FHOD3: variants seen among roughly 807,000 people sequenced by gnomAD.
The protein encoded by FHOD3 is FH1/FH2 domain-containing protein 3.
Under a neutral mutation model 173.0 loss-of-function variants are expected in FHOD3, and 90 were observed. That is an observed-to-expected ratio of 0.52 (90% confidence interval 0.44 to 0.62). The LOEUF (loss-of-function observed/expected upper bound fraction) is 0.62, where lower values mean the gene tolerates loss of function less well. Among genes scored for constraint, FHOD3 ranks in the 20% least tolerant of loss-of-function variants. FHOD3 has a pLI of 0.00. For synonymous variants in FHOD3, 828 were observed against 823.0 expected, an observed-to-expected ratio of 1.01 and a Z score of -0.10; for missense variants, 1,945 against 2,034.7, an observed-to-expected ratio of 0.96 and a Z score of 0.85.
At chr18:36,347,042 G>A (rs2045910146) in intron 1 of FHOD3, among the ~76,000 whole-genome samples, 2 of 152,318 alleles carry the variant, frequency 1.3e-5, no homozygotes, top group East Asian at 1.9e-4. Context: ...AGTGTAGTGT[G>A]TGGCATGGAC....
At chr18:36,734,055 A>G (rs746795631) in intron 20 of FHOD3, among the ~76,000 whole-genome samples, 1 of 152,154 alleles carries the variant, frequency 6.6e-6, no homozygotes, top group Non-Finnish European at 1.5e-5. Flanking sequence ...ACATGTATGC[A>G]GCAGCGCAGC....
chr18:36,617,477 G>A (rs1418719261), intron 9 of FHOD3, among the ~76,000 whole-genome samples: 4 of 152,064 alleles, frequency 2.6e-5, no homozygotes, highest in Non-Finnish European at 5.9e-5. Context: ...CACTGCTGAC[G>A]AATGTATCAC....
At position 36,777,288 on chromosome 18, in the gene FHOD3, C is replaced by T. The variant is rs547769352; in HGVS notation, c.4787-2160C>T. On this transcript the variant is annotated intron_variant, in intron 28 of 28. Transcript: ENST00000590592. ...CACCATCTCGGCTCACCGCAACCTC[C>T]GCCTCCCAGGTTCAAGCAATTCTCT... Among the ~76,000 whole-genome samples the T allele has an allele frequency of 4.6e-5, 7 of 151,404 alleles. No homozygotes were observed. The South Asian group carries it at 6.3e-4, about 14-fold the overall frequency.
chr18:36,758,992 T>G, intron 25 of FHOD3, 126 bp from the exon 26 acceptor site: 2 of 1,013,116 alleles, frequency 2.0e-6, no homozygotes, highest in African/African-American at 3.2e-5. Flanking sequence ...TGTATCCTGG[T>G]TGTGGTGACC....
intron 3 of FHOD3, among the ~76,000 whole-genome samples, chr18:36,423,789 G>C (rs1271653197): frequency 1.3e-5 from 2 of 152,144 alleles, no homozygotes; most frequent in Admixed American, 1.3e-4. Flanking sequence ...GAATACAGTG[G>C]TATAGAATAA....
chr18:36,737,053 T>C (rs2041671804), intron 20 of FHOD3, among the ~76,000 whole-genome samples: 2 of 152,220 alleles, frequency 1.3e-5, no homozygotes, highest in African/African-American at 4.8e-5. Flanking sequence ...CATCAGCTCA[T>C]AGGAGGGGCT....
intron 3 of FHOD3, among the ~76,000 whole-genome samples, chr18:36,429,963 A>T (rs1484093900): frequency 6.6e-6 from 1 of 152,126 alleles, no homozygotes; most frequent in East Asian, 1.9e-4. Flanking sequence ...AAGCTCACTG[A>T]TGGGAATGGG....
At position 36,649,419 on chromosome 18, in the gene FHOD3, G is replaced by A. The variant is rs2035904250; in HGVS notation, c.1286+14G>A. ...GGGCAAGGACAGGTACCTAGGACTG[G>A]AGCCTCCCAAGCTCACACTAAAAGT... On this transcript the variant is annotated intron_variant, in intron 11 of 28. Coordinates refer to ENST00000590592, the MANE Select transcript of FHOD3 (RefSeq NM_001281740.3). 1.3e-6 allele frequency: 2 copies of A among 1,530,578 alleles called. No homozygotes were observed. The highest frequency in any genetic ancestry group is 1.8e-6 in the Non-Finnish European group (2 of 1,142,762). The allele number at this position is 1,530,578 out of a possible 1,614,324, so 94.8% of individuals were successfully genotyped here.
At chr18:36,767,975 A>G (rs1430285594) in intron 27 of FHOD3, among the ~76,000 whole-genome samples, 1 of 152,048 alleles carries the variant, frequency 6.6e-6, no homozygotes, top group Non-Finnish European at 1.5e-5. Context: ...TTAGTGTGGG[A>G]GAACTCAAAC....
chr18:36,624,068 G>C (rs1372380112), intron 9 of FHOD3, among the ~76,000 whole-genome samples: 2 of 152,220 alleles, frequency 1.3e-5, no homozygotes, highest in East Asian at 3.8e-4. Flanking sequence ...CAAGGCTGGA[G>C]AACTTGCATG....
chr18:36,701,296 T>C (rs1345500863), intron 17 of FHOD3, among the ~76,000 whole-genome samples: 2 of 152,182 alleles, frequency 1.3e-5, no homozygotes, highest in Non-Finnish European at 2.9e-5. Context: ...GTATAATTAA[T>C]AGAGAGGAAA....
At chr18:36,343,449 T>G (rs1268248976) in intron 1 of FHOD3, among the ~76,000 whole-genome samples, 1 of 152,166 alleles carries the variant, frequency 6.6e-6, no homozygotes, top group Non-Finnish European at 1.5e-5. Context: ...CCTCCAAATC[T>G]CATGTCAAAA....
chr18:36,339,809 C>T (rs2045521533), intron 1 of FHOD3, among the ~76,000 whole-genome samples: 1 of 152,202 alleles, frequency 6.6e-6, no homozygotes, highest in Non-Finnish European at 1.5e-5. Context: ...TTTTAAAAAA[C>T]ACCATGGGAG....
At chr18:36,395,034 A>G (rs1432785209) in intron 3 of FHOD3, among the ~76,000 whole-genome samples, 2 of 152,238 alleles carry the variant, frequency 1.3e-5, no homozygotes, top group Non-Finnish European at 2.9e-5. Context: ...TATCAAGAAC[A>G]CAAGAGTGGA....
intron 25 of FHOD3, among the ~76,000 whole-genome samples, chr18:36,755,966 C>T (rs1253686634): frequency 6.6e-6 from 1 of 152,144 alleles, no homozygotes; most frequent in Admixed American, 6.5e-5. Context: ...GCTCTTTCCC[C>T]ATCTCTCCTG....
At chr18:36,379,129 C>T (rs2047607332) in intron 3 of FHOD3, among the ~76,000 whole-genome samples, 1 of 152,148 alleles carries the variant, frequency 6.6e-6, no homozygotes, top group African/African-American at 2.4e-5. Flanking sequence ...GTGGCTTTAC[C>T]ATCTACAGAC....
chr18:36,668,180 C>A (rs2037305997), intron 14 of FHOD3, among the ~76,000 whole-genome samples: 1 of 152,154 alleles, frequency 6.6e-6, no homozygotes, highest in South Asian at 2.1e-4. Context: ...ACCACAAATT[C>A]AATGCCTCTA....
chr18:36,612,205 T>G, intron 9 of FHOD3, 110 bp downstream of exon 9: 1 of 1,192,090 alleles, frequency 8.4e-7, no homozygotes, highest in African/African-American at 1.5e-5. Context: ...CACCAGCTTA[T>G]TAGAAACTCA....
intron 2 of FHOD3, among the ~76,000 whole-genome samples, chr18:36,370,248 T>C (rs1459443781): frequency 6.6e-6 from 1 of 152,138 alleles, no homozygotes; most frequent in Non-Finnish European, 1.5e-5. Context: ...TAGGATTTTG[T>C]GTACAGCAGA....
Sources: allele counts gnomAD v4.1 joint callset (sites outside exome capture counted in the v4.1 genomes callset), GRCh38; gene constraint gnomAD v4.1.1; transcripts MANE v1.5; gene names NCBI Gene and HGNC (gene_info 2026-07-23, HGNC 2026-07-21).